The following NOX4 variants were observed in gnomAD, a reference collection of about 807,000 sequenced individuals.
NOX4 encodes the protein NADPH oxidase 4.
Under a neutral mutation model 87.6 loss-of-function variants are expected in NOX4, and 69 were observed. That is an observed-to-expected ratio of 0.79 (90% CI 0.65 to 0.96). The LOEUF is 0.96. NOX4 is among the 40% of genes least tolerant of loss of function. The pLI is 0.00. For synonymous variants in NOX4, 275 were observed against 238.2 expected (o/e 1.15, Z -1.42); for missense variants, 680 against 681.5 (o/e 1.00, Z 0.02).
intron 11 of NOX4, among the ~76,000 whole-genome samples, chr11:89,399,455 A>G (rs1246915185): frequency 2.1e-5 from 3 of 140,456 alleles, no homozygotes; most frequent in Non-Finnish European, 4.6e-5. Flanking sequence ...ATATATATAT[A>G]TATATATATA....
the NOX4 span, among the ~76,000 whole-genome samples, chr11:89,505,739 C>T: frequency 6.6e-6 from 1 of 151,714 alleles, no homozygotes; most frequent in South Asian, 2.1e-4. Context: ...GATATCAGTT[C>T]GATGAAATAA....
chr11:89,469,739 T>C (rs907139165), intron 2 of NOX4, among the ~76,000 whole-genome samples: 4 of 152,188 alleles, frequency 2.6e-5, no homozygotes, highest in Non-Finnish European at 5.9e-5. Flanking sequence ...CTTTCCGTAT[T>C]TTTACACTTT....
the NOX4 span, among the ~76,000 whole-genome samples, chr11:89,541,922 CAGCCTCCCAAGT>C: frequency 2.0e-5 from 3 of 152,312 alleles, no homozygotes; most frequent in South Asian, 6.2e-4. Flanking sequence ...CCTCCCACCT[CAGCCTCCCAAGT>C]AGCAGGGAGT....
At chr11:89,354,908 TC>T in intron 13 of NOX4, 53 bp downstream of exon 13, 1 of 1,177,822 alleles carries the variant, frequency 8.5e-7, no homozygotes, top group Non-Finnish European at 1.2e-6. Context: ...CCCAAATCTC[TC>T]CCAGCACTAT....
Position 89,448,904 on chromosome 11 carries a change from T to C in NOX4, c.349+536A>G, listed in dbSNP as rs374278770. Among the ~76,000 whole-genome samples, 12 of 152,172 alleles carry C rather than the reference T, an allele frequency of 7.9e-5. No homozygotes were observed. In the East Asian group the frequency reaches 2.1e-3, roughly 27 times the overall value. ...TTTCAAAAAAATAAAAAATAAAATGTTCATGCATTTAAACTCATATCACAT... is the reference window on the plus strand; with the variant it reads ...TTTCAAAAAAATAAAAAATAAAATGCTCATGCATTTAAACTCATATCACAT... On this transcript the variant is annotated intron_variant, in intron 4 of 17. Coordinates refer to ENST00000263317, the MANE Select transcript of NOX4 (RefSeq NM_016931.5).
intron 15 of NOX4, 102 bp from the exon 16 acceptor site, chr11:89,337,617 G>A: frequency 9.4e-6 from 14 of 1,484,554 alleles, no homozygotes; most frequent in African/African-American, 1.4e-5. Context: ...ACACAACCTA[G>A]CTTATCATAG....
At chr11:89,446,520 G>A (rs1475152475) in intron 4 of NOX4, among the ~76,000 whole-genome samples, 2 of 151,982 alleles carry the variant, frequency 1.3e-5, no homozygotes, top group Admixed American at 6.6e-5. Context: ...CCAGATAAGG[G>A]AATATTATTT....
In NOX4 at chr11:89,326,632, T is replaced by G. The variant is rs1396875043; in HGVS notation, c.*124A>C. On this transcript the variant is annotated 3_prime_UTR_variant, in exon 18 of 18. Coordinates refer to ENST00000263317, the MANE Select transcript of NOX4 (RefSeq NM_016931.5). ...CACATTCTCACATTTCCATTTTAAATAATCATAAATAAGAAAACCTTACTA... is the reference window on the plus strand; with the variant it reads ...CACATTCTCACATTTCCATTTTAAAGAATCATAAATAAGAAAACCTTACTA... 3 of 747,158 alleles carry G rather than the reference T, an allele frequency of 4.0e-6. No homozygotes were observed. The highest frequency in any genetic ancestry group is 2.1e-6 in the Non-Finnish European group (1 of 483,656). The allele number at this position is 747,158 out of a possible 1,614,324, so 46.3% of individuals were successfully genotyped here.
chr11:89,512,465 T>C, the NOX4 span, among the ~76,000 whole-genome samples: 11 of 152,066 alleles, frequency 7.2e-5, no homozygotes, highest in South Asian at 6.2e-4. Context: ...TACCATTCTA[T>C]TCTCTGATTC....
intron 8 of NOX4, among the ~76,000 whole-genome samples, chr11:89,416,271 A>T (rs1176232440): frequency 6.6e-6 from 1 of 152,188 alleles, no homozygotes; most frequent in Non-Finnish European, 1.5e-5. Flanking sequence ...TTTCTCCCTC[A>T]GTACTAGAAT....
At chr11:89,447,375 G>A (rs554641963) in intron 4 of NOX4, among the ~76,000 whole-genome samples, 1 of 152,196 alleles carries the variant, frequency 6.6e-6, no homozygotes, top group African/African-American at 2.4e-5. Flanking sequence ...GTAGGTAACA[G>A]CTATAGAAAA....
At chr11:89,337,838 T>C (rs1314496180) in intron 15 of NOX4, among the ~76,000 whole-genome samples, 1 of 152,066 alleles carries the variant, frequency 6.6e-6, no homozygotes, top group Non-Finnish European at 1.5e-5. Context: ...CCTTATTTTA[T>C]TCCTTAAGAG....
chr11:89,587,863 G>T, the NOX4 span, among the ~76,000 whole-genome samples: 2 of 152,070 alleles, frequency 1.3e-5, no homozygotes, highest in African/African-American at 2.4e-5. Context: ...AGACACTGGA[G>T]AACAGATGGC....
At chr11:89,491,081 T>G in intron 1 of NOX4, 109 bp downstream of exon 1, 1 of 1,115,416 alleles carries the variant, frequency 9.0e-7, no homozygotes, top group Non-Finnish European at 1.3e-6. Flanking sequence ...AATGTTCGAA[T>G]TAAGACAAAA....
At chr11:89,445,132 G>T (rs939358133) in intron 4 of NOX4, among the ~76,000 whole-genome samples, 2 of 152,078 alleles carry the variant, frequency 1.3e-5, no homozygotes, top group Non-Finnish European at 2.9e-5. Context: ...CCTTTCAGGG[G>T]CCTTAATTTA....
intron 11 of NOX4, among the ~76,000 whole-genome samples, chr11:89,396,193 G>A (rs1157107482): frequency 2.0e-5 from 3 of 152,060 alleles, no homozygotes; most frequent in African/African-American, 7.2e-5. Context: ...GCAGTGGTTT[G>A]TAGTTCTCCT....
At chr11:89,444,550 CAT>C (rs371591159) in intron 4 of NOX4, among the ~76,000 whole-genome samples, 1 of 139,800 alleles carries the variant, frequency 7.2e-6, no homozygotes, top group Non-Finnish European at 1.5e-5. Context: ...CACACACACA[CAT>C]AAATATGCAT....
At chr11:89,500,239 C>T (rs2135511012), upstream of NOX4, among the ~76,000 whole-genome samples, 1 of 152,056 alleles carries the variant, frequency 6.6e-6, no homozygotes, top group East Asian at 1.9e-4. Context: ...TCCTTTTTAC[C>T]ATTTCTGTCA....
upstream of NOX4, chr11:89,492,366 T>C (rs566782243): frequency 6.6e-6 from 1 of 152,226 alleles, no homozygotes; most frequent in Non-Finnish European, 1.5e-5. Context: ...AAAAGTTTAC[T>C]ACTAGTTGCT....
Sources: gnomAD v4.1 joint callset for allele counts (sites outside exome capture counted in the v4.1 genomes callset) on GRCh38, gnomAD v4.1.1 for gene constraint, MANE v1.5 for transcripts, NCBI Gene and HGNC (gene_info 2026-07-23, HGNC 2026-07-21) for gene names.